The following CSMD3 variants were observed in gnomAD, a reference collection of about 807,000 sequenced individuals.
CSMD3 encodes CUB and Sushi multiple domains 3, also known as CUB and sushi domain-containing protein 3.
A neutral mutation model predicts 435.2 loss-of-function variants in CSMD3; 177 were observed. The ratio of observed to expected loss-of-function variants is 0.41; its 90% confidence interval spans 0.36 to 0.46. CSMD3 has a LOEUF of 0.46. Among genes scored for constraint, CSMD3 ranks in the 20% least tolerant of loss-of-function variants. The pLI, the probability that CSMD3 is intolerant of heterozygous loss-of-function variation, is 0.34. For synonymous variants in CSMD3, 1,656 were observed against 1,520.5 expected (o/e 1.09, Z -2.07); for missense variants, 4,265 against 4,504.6 (o/e 0.95, Z 1.52).
intron 2 of CSMD3, among the ~76,000 whole-genome samples, chr8:113,303,659 G>A (rs1192523949): frequency 7.3e-6 from 1 of 136,348 alleles, no homozygotes; most frequent in Non-Finnish European, 1.6e-5. Flanking sequence ...CAAGCAATGG[G>A]GAAAGGATTC....
At chr8:112,647,748 C>T (rs571785964) in intron 19 of CSMD3, among the ~76,000 whole-genome samples, 1 of 152,082 alleles carries the variant, frequency 6.6e-6, no homozygotes, top group Non-Finnish European at 1.5e-5. Flanking sequence ...CATCATCAGC[C>T]TCATCATTTT....
intron 20 of CSMD3, 146 bp from the exon 21 acceptor site, chr8:112,639,057 T>A: frequency 1.6e-6 from 1 of 625,720 alleles, no homozygotes; most frequent in Non-Finnish European, 2.8e-6. Flanking sequence ...TCCAAATATA[T>A]GTTATATTAT....
intron 22 of CSMD3, among the ~76,000 whole-genome samples, chr8:112,608,727 G>A (rs916706913): frequency 6.6e-6 from 1 of 151,802 alleles, no homozygotes; most frequent in Admixed American, 6.6e-5. Flanking sequence ...TTCGGCAAAG[G>A]CTCTAAGAAT....
chr8:112,432,768 G>T (rs922726965), intron 32 of CSMD3, among the ~76,000 whole-genome samples: 3 of 151,982 alleles, frequency 2.0e-5, no homozygotes, highest in Admixed American at 1.3e-4. Flanking sequence ...TTTAATGTGG[G>T]TCTCAGTTGA....
chr8:113,295,937 C>T (rs1176406910), intron 2 of CSMD3, among the ~76,000 whole-genome samples: 1 of 152,084 alleles, frequency 6.6e-6, no homozygotes, highest in Non-Finnish European at 1.5e-5. Flanking sequence ...GAAAATGTGG[C>T]ACATATACAC....
chr8:113,041,814 G>A (rs1048253114), intron 5 of CSMD3, among the ~76,000 whole-genome samples: 1 of 151,940 alleles, frequency 6.6e-6, no homozygotes, highest in East Asian at 1.9e-4. Context: ...TACCTCCTAC[G>A]ATATACTTTT....
At chr8:112,296,059 A>T (rs2130717870) in intron 53 of CSMD3, 53 bp from the exon 54 acceptor site, 6 of 1,397,844 alleles carry the variant, frequency 4.3e-6, no homozygotes, top group Non-Finnish European at 6.0e-6. Flanking sequence ...TTTTATTTGT[A>T]TATTTATATA....
intron 43 of CSMD3, among the ~76,000 whole-genome samples, 192 bp downstream of exon 43, chr8:112,337,351 A>G (rs1824673352): frequency 6.6e-6 from 1 of 152,142 alleles, no homozygotes; most frequent in African/African-American, 2.4e-5. Flanking sequence ...TCCCAATAGG[A>G]AAGGTTAGGA....
At chr8:113,307,560 C>T (rs1308882576) in intron 2 of CSMD3, among the ~76,000 whole-genome samples, 1 of 151,812 alleles carries the variant, frequency 6.6e-6, no homozygotes, top group Non-Finnish European at 1.5e-5. Flanking sequence ...TTAACTCATG[C>T]AAAGATAATG....
intron 32 of CSMD3, among the ~76,000 whole-genome samples, chr8:112,464,482 A>G (rs968128424): frequency 6.6e-6 from 1 of 152,066 alleles, no homozygotes; most frequent in Non-Finnish European, 1.5e-5. Context: ...TTATGAAATA[A>G]TTATGATTAA....
At chr8:112,980,761 C>A (rs1488630837) in intron 6 of CSMD3, among the ~76,000 whole-genome samples, 1 of 151,462 alleles carries the variant, frequency 6.6e-6, no homozygotes, top group African/African-American at 2.4e-5. Flanking sequence ...TTAAAAATTT[C>A]GTTTTCATTA....
At chr8:112,441,430 G>A (rs1384919955) in intron 32 of CSMD3, among the ~76,000 whole-genome samples, 1 of 152,064 alleles carries the variant, frequency 6.6e-6, no homozygotes, top group Admixed American at 6.6e-5. Context: ...ACATTGTCCT[G>A]TCTTCTTCCG....
chr8:113,360,613 G>A (rs1421564766), intron 1 of CSMD3, among the ~76,000 whole-genome samples: 2 of 118,230 alleles, frequency 1.7e-5, no homozygotes, highest in South Asian at 2.8e-4. Flanking sequence ...TCGCTCTGTC[G>A]CCCAGGCTGG....
intron 10 of CSMD3, among the ~76,000 whole-genome samples, chr8:112,918,673 G>A (rs995723913): frequency 2.6e-5 from 4 of 151,780 alleles, no homozygotes; most frequent in African/African-American, 9.7e-5. Context: ...CAAATACTTT[G>A]TATACATAAC....
At chr8:113,135,397 C>T (rs541163116) in intron 4 of CSMD3, among the ~76,000 whole-genome samples, 31 of 151,874 alleles carry the variant, frequency 2.0e-4, no homozygotes, top group Non-Finnish European at 3.8e-4. Flanking sequence ...TTCCTTTAGC[C>T]TAAATAATTT....
chr8:112,392,897 G>T, intron 35 of CSMD3, among the ~76,000 whole-genome samples: 1 of 135,652 alleles, frequency 7.4e-6, no homozygotes, highest in African/African-American at 2.9e-5. Flanking sequence ...ACAAGCTCTG[G>T]CTTTGTCGCC....
chr8:113,082,084 C>T (rs938328290), intron 5 of CSMD3, among the ~76,000 whole-genome samples: 1 of 152,104 alleles, frequency 6.6e-6, no homozygotes, highest in African/African-American at 2.4e-5. Context: ...CCTGCTGGGG[C>T]CCACTGCAAG....
At chr8:113,387,735 G>A (rs1300295343) in intron 1 of CSMD3, among the ~76,000 whole-genome samples, 1 of 151,536 alleles carries the variant, frequency 6.6e-6, no homozygotes, top group African/African-American at 2.4e-5. Flanking sequence ...AAAAGAAGAG[G>A]AAGTAAAAAG....
At chr8:112,865,515 C>T (rs2080952760) in intron 10 of CSMD3, among the ~76,000 whole-genome samples, 1 of 152,066 alleles carries the variant, frequency 6.6e-6, no homozygotes, top group South Asian at 2.1e-4. Context: ...GCTCTTTCCA[C>T]TAACTTACTT....
Sources: allele counts gnomAD v4.1 joint callset (sites outside exome capture counted in the v4.1 genomes callset), GRCh38; gene constraint gnomAD v4.1.1; transcripts MANE v1.5; gene names NCBI Gene and HGNC (gene_info 2026-07-23, HGNC 2026-07-21).